PDE11A: variants seen among roughly 807,000 people sequenced by gnomAD.
PDE11A encodes the protein phosphodiesterase 11A.
PDE11A carries 100 observed loss-of-function variants against 100.5 expected under a neutral mutation model. The ratio of observed to expected loss-of-function variants is 1.00; its 90% confidence interval spans 0.85 to 1.18. The LOEUF is 1.18. Among genes scored for constraint, PDE11A ranks in the 50% most tolerant of loss-of-function variants. The pLI is 0.00. For missense variants in PDE11A, 1,141 were observed against 1,152.6 expected (o/e 0.99, Z 0.15); for synonymous variants, 381 against 420.8 (o/e 0.91, Z 1.16).
rs971099244 is a variant in PDE11A, at chr2:177,670,987, C to T, written c.2488-1420G>A. On this transcript the variant is annotated intron_variant, in intron 17 of 19. Transcript: ENST00000286063. ...TCACTTGTCTCCTCTCCAGTCTCTC[C>T]TGCTACCCTGCATTTCAGCACACCA... Among the ~76,000 whole-genome samples, 3 of 152,318 alleles carry T rather than the reference C, an allele frequency of 2.0e-5. No individual in the cohort carries two copies. The East Asian group carries it at 5.8e-4, about 29-fold the overall frequency.
intron 1 of PDE11A, among the ~76,000 whole-genome samples, chr2:178,020,092 T>C (rs2086387622): frequency 6.6e-6 from 1 of 152,204 alleles, no homozygotes; most frequent in Admixed American, 6.5e-5. Flanking sequence ...ATAAAGACTT[T>C]AGTCATTAGT....
At chr2:177,792,651 G>A (rs2082648923) in intron 9 of PDE11A, among the ~76,000 whole-genome samples, 1 of 152,132 alleles carries the variant, frequency 6.6e-6, no homozygotes. Context: ...ACTCACTAGG[G>A]CCACAGAAGT....
At chr2:177,734,285 A>G (rs1259888835) in intron 10 of PDE11A, among the ~76,000 whole-genome samples, 2 of 152,128 alleles carry the variant, frequency 1.3e-5, no homozygotes, top group African/African-American at 4.8e-5. Context: ...ATCAACTCGA[A>G]TACTCCCAAG....
chr2:177,934,943 A>G (rs2085253914), intron 2 of PDE11A, among the ~76,000 whole-genome samples: 1 of 152,208 alleles, frequency 6.6e-6, no homozygotes. Context: ...TAGCAACAAC[A>G]GACGCTAGAG....
At chr2:177,741,171 G>A (rs2081866103) in intron 10 of PDE11A, among the ~76,000 whole-genome samples, 1 of 152,204 alleles carries the variant, frequency 6.6e-6, no homozygotes, top group Non-Finnish European at 1.5e-5. Flanking sequence ...CACAGTTCTG[G>A]AGGCTGGAAG....
intron 2 of PDE11A, among the ~76,000 whole-genome samples, chr2:177,958,117 C>G (rs539501813): frequency 6.6e-6 from 1 of 152,138 alleles, no homozygotes; most frequent in African/African-American, 2.4e-5. Flanking sequence ...TCTTCAACTC[C>G]TAACCTCAGG....
chr2:177,878,691 T>C (rs928495933), intron 4 of PDE11A, among the ~76,000 whole-genome samples: 1 of 152,138 alleles, frequency 6.6e-6, no homozygotes, highest in Non-Finnish European at 1.5e-5. Context: ...CTGGAAGCCA[T>C]GCAAGCAGGA....
chr2:177,665,309 CAAAAA>C (rs9288007), intron 18 of PDE11A, among the ~76,000 whole-genome samples: 36 of 112,424 alleles, frequency 3.2e-4, no homozygotes, highest in African/African-American at 5.8e-4. Flanking sequence ...CCTGTCCCTA[CAAAAA>C]AAAAAAAAAA....
chr2:177,709,460 C>T (rs16865713), intron 13 of PDE11A, among the ~76,000 whole-genome samples: 1 of 152,006 alleles, frequency 6.6e-6, no homozygotes, highest in Non-Finnish European at 1.5e-5. Flanking sequence ...GTAGAGAATA[C>T]AAGAAAGAGG....
At chr2:177,962,991 G>C (rs1369519) in intron 2 of PDE11A, among the ~76,000 whole-genome samples, 101,468 of 152,010 alleles carry the variant, frequency 0.67, 35,488 homozygotes, top group African/African-American at 0.87. Context: ...GAAAAGTTGC[G>C]AAGAAGAATT....
intron 4 of PDE11A, among the ~76,000 whole-genome samples, chr2:177,896,209 A>G (rs910339819): frequency 6.6e-6 from 1 of 151,604 alleles, no homozygotes; most frequent in African/African-American, 2.4e-5. Flanking sequence ...TATTTTGATC[A>G]CTCCTCTTCC....
chr2:177,653,890 G>A, intron 19 of PDE11A, among the ~76,000 whole-genome samples: 1 of 152,174 alleles, frequency 6.6e-6, no homozygotes, highest in East Asian at 1.9e-4. Flanking sequence ...TAACTCCTGA[G>A]CCTCTCAGGC....
chr2:178,084,208 A>C (rs865779972), intron 2 of PDE11A, among the ~76,000 whole-genome samples: 1 of 152,262 alleles, frequency 6.6e-6, no homozygotes, highest in Non-Finnish European at 1.5e-5. Flanking sequence ...TAACACTCCA[A>C]GGTAAAAAGA....
chr2:177,670,314 T>C (rs973147306), intron 17 of PDE11A, among the ~76,000 whole-genome samples: 3 of 152,210 alleles, frequency 2.0e-5, no homozygotes, highest in African/African-American at 4.8e-5. Flanking sequence ...TAGAGACTTA[T>C]ATTTTTCTAC....
At chr2:178,086,644 A>T (rs916054034) in intron 2 of PDE11A, among the ~76,000 whole-genome samples, 1 of 152,254 alleles carries the variant, frequency 6.6e-6, no homozygotes, top group Non-Finnish European at 1.5e-5. Flanking sequence ...GGTAAGATTA[A>T]AACAGAAAGA....
Position 177,626,726 on chromosome 2 carries a change from T to C in PDE11A, c.*2681A>G, listed in dbSNP as rs1194124189. 2.0e-5 allele frequency: 3 copies of C among 152,516 alleles called. No homozygotes were observed. The highest frequency in any genetic ancestry group is 3.9e-4 in the East Asian group (2 of 5,186). 9.4% of individuals were successfully genotyped at this position (152,516 alleles called of 1,614,324 possible). ...CCAGTCTTCCCTGCAGAGACAGCTG[T>C]AAAGGGTAGCTAGGAACATTATTTT... On this transcript the variant is annotated 3_prime_UTR_variant, in exon 20 of 20. Coordinates refer to ENST00000286063, the MANE Select transcript of PDE11A (RefSeq NM_016953.4).
intron 2 of PDE11A, among the ~76,000 whole-genome samples, chr2:178,000,327 C>A (rs531070174): frequency 5.3e-5 from 8 of 152,190 alleles, no homozygotes; most frequent in Admixed American, 2.0e-4. Flanking sequence ...TGAAATTCTC[C>A]AACAGGAAAT....
chr2:178,018,152 G>A (rs1456512454), intron 1 of PDE11A: 2 of 291,090 alleles, frequency 6.9e-6, no homozygotes, highest in South Asian at 3.7e-5. Flanking sequence ...CTGCCACCCA[G>A]CCGCCATTCT....
At chr2:177,761,804 G>GT (rs752040673) in intron 10 of PDE11A, among the ~76,000 whole-genome samples, 3 of 152,238 alleles carry the variant, frequency 2.0e-5, no homozygotes, top group Non-Finnish European at 4.4e-5. Flanking sequence ...GGATAGCTCA[G>GT]TGGGAGCATG....
Sources: gnomAD v4.1 joint callset for allele counts (sites outside exome capture counted in the v4.1 genomes callset) on GRCh38, gnomAD v4.1.1 for gene constraint, MANE v1.5 for transcripts, NCBI Gene and HGNC (gene_info 2026-07-23, HGNC 2026-07-21) for gene names.